The following TBC1D22A variants were observed in gnomAD, a reference collection of about 807,000 sequenced individuals.
TBC1D22A encodes the protein TBC1 domain family member 22A.
In TBC1D22A, 38 loss-of-function variants were observed where a neutral mutation model predicts 60.2. The ratio of observed to expected loss-of-function variants is 0.63; its 90% CI spans 0.49 to 0.83. The LOEUF (loss-of-function observed/expected upper bound fraction) is 0.83. Ranked by LOEUF, TBC1D22A falls within the 40% of genes least tolerant of loss-of-function variation. TBC1D22A has a pLI of 0.00. For synonymous variants in TBC1D22A, 302 were observed against 281.7 expected, an observed-to-expected ratio of 1.07 and a Z score of -0.72; for missense variants, 628 against 701.0, an observed-to-expected ratio of 0.90 and a Z score of 1.18.
chr22:47,049,702 A>G (rs929227920), intron 11 of TBC1D22A, among the ~76,000 whole-genome samples: 18 of 152,324 alleles, frequency 1.2e-4, no homozygotes, highest in Non-Finnish European at 4.4e-5. Flanking sequence ...CTGCCCAGTC[A>G]TAATGCTTTC....
chr22:47,017,767 G>T (rs1247061939), intron 10 of TBC1D22A, among the ~76,000 whole-genome samples: 4 of 152,172 alleles, frequency 2.6e-5, no homozygotes. Context: ...GGGGTAAGGG[G>T]CCTCTTAGTT....
intron 8 of TBC1D22A, among the ~76,000 whole-genome samples, chr22:46,951,657 C>G (rs1310151724): frequency 6.6e-6 from 1 of 152,342 alleles, no homozygotes; most frequent in Non-Finnish European, 1.5e-5. Context: ...TGTCCAGTTA[C>G]AGCGAGGTGT....
At chr22:46,831,122 A>G (rs16995766) in intron 4 of TBC1D22A, among the ~76,000 whole-genome samples, 4,648 of 152,228 alleles carry the variant, frequency 0.031, 229 homozygotes, top group African/African-American at 0.1. Flanking sequence ...CACCATGAGA[A>G]TGGAGGTGTT....
intron 10 of TBC1D22A, among the ~76,000 whole-genome samples, chr22:47,007,631 C>T (rs2061633388): frequency 6.7e-6 from 1 of 149,298 alleles, no homozygotes; most frequent in Non-Finnish European, 1.5e-5. Flanking sequence ...GGTTGGGTTG[C>T]AAAAGGCTGC....
At chr22:46,939,375 G>T (rs2071852424) in intron 8 of TBC1D22A, among the ~76,000 whole-genome samples, 1 of 152,190 alleles carries the variant, frequency 6.6e-6, no homozygotes, top group Non-Finnish European at 1.5e-5. Context: ...AGGGAATATG[G>T]TTTCTCATCC....
intron 9 of TBC1D22A, among the ~76,000 whole-genome samples, chr22:46,980,663 TG>T (rs136116): frequency 1 from 152,351 of 152,352 alleles, 76,175 homozygotes; most frequent in Middle Eastern, 1. Flanking sequence ...GATTAAGACA[TG>T]GAAAGATAGA....
intron 11 of TBC1D22A, among the ~76,000 whole-genome samples, chr22:47,082,342 T>G (rs1438548377): frequency 6.6e-6 from 1 of 152,138 alleles, no homozygotes; most frequent in African/African-American, 2.4e-5. Context: ...GTTTGAGAAC[T>G]TCTTGATTTT....
At chr22:46,787,932 CTTTTT>C (rs547496103) in intron 1 of TBC1D22A, among the ~76,000 whole-genome samples, 2 of 107,144 alleles carry the variant, frequency 1.9e-5, no homozygotes, top group African/African-American at 3.6e-5. Flanking sequence ...GGGCAGGCTA[CTTTTT>C]TTTTTTTTTT....
At chr22:46,920,158 C>T (rs117053305) in intron 8 of TBC1D22A, among the ~76,000 whole-genome samples, 233 of 152,250 alleles carry the variant, frequency 1.5e-3, no homozygotes, top group Middle Eastern at 3.4e-3. Flanking sequence ...TAGTTCATGG[C>T]AGCTGCAACC....
chr22:46,885,763 A>G (rs530193806), intron 5 of TBC1D22A, among the ~76,000 whole-genome samples: 3 of 152,212 alleles, frequency 2.0e-5, no homozygotes, highest in South Asian at 2.1e-4. Flanking sequence ...GCGCCTGGCA[A>G]TCCACCAGCA....
chr22:47,079,927 TA>T (rs1397847206), intron 11 of TBC1D22A, among the ~76,000 whole-genome samples: 9 of 152,292 alleles, frequency 5.9e-5, no homozygotes, highest in Admixed American at 5.2e-4. Context: ...AAAAATGATT[TA>T]AAAAAGGTGT....
intron 8 of TBC1D22A, among the ~76,000 whole-genome samples, chr22:46,941,921 A>G (rs1324060266): frequency 4.3e-5 from 4 of 92,320 alleles, no homozygotes; most frequent in African/African-American, 1.3e-4. Flanking sequence ...GTATATGTAT[A>G]TGTATGTATG....
At chr22:46,861,279 TAACA>T (rs2087869668) in intron 4 of TBC1D22A, among the ~76,000 whole-genome samples, 1 of 152,312 alleles carries the variant, frequency 6.6e-6, no homozygotes, top group Admixed American at 6.5e-5. Flanking sequence ...TAAAATGACT[TAACA>T]GTTAATTGTA....
At chr22:47,109,636 C>T (rs2065772284) in intron 11 of TBC1D22A, among the ~76,000 whole-genome samples, 1 of 152,212 alleles carries the variant, frequency 6.6e-6, no homozygotes, top group African/African-American at 2.4e-5. Context: ...GGCCTTCCCA[C>T]CAAAACAGTC....
At chr22:46,945,340 C>T (rs1345776276) in intron 8 of TBC1D22A, among the ~76,000 whole-genome samples, 6 of 152,154 alleles carry the variant, frequency 3.9e-5, no homozygotes, top group African/African-American at 1.4e-4. Flanking sequence ...ATTAGAAGGC[C>T]TGTTTGACCG....
At chr22:47,037,915 A>G (rs1034800932) in intron 11 of TBC1D22A, among the ~76,000 whole-genome samples, 3 of 152,180 alleles carry the variant, frequency 2.0e-5, no homozygotes, top group Non-Finnish European at 4.4e-5. Flanking sequence ...CATATAATAA[A>G]GATTTTTTAA....
Position 46,990,346 on chromosome 22 carries a change from G to A in TBC1D22A, c.1126-7288G>A, listed in dbSNP as rs901329693. On this transcript the variant is annotated intron_variant, in intron 9 of 12. Coordinates refer to ENST00000337137, the MANE Select transcript of TBC1D22A (RefSeq NM_014346.5). The surrounding 1 kb of genome is among the most constrained non-coding windows in gnomAD (Gnocchi z 4.6). ...TATTTTTTTCAATTAATGGAGTTTG[G>A]TTTTTTTAGAGCAGTTTTAGCTTTC... Among the ~76,000 whole-genome samples, 2 of 151,746 alleles carry A rather than the reference G, an allele frequency of 1.3e-5. No homozygotes were observed. Among genetic ancestry groups the A allele is most frequent in the Non-Finnish European group, 2.9e-5 (2 of 67,932 alleles).
chr22:46,926,019 G>A (rs527319537), intron 8 of TBC1D22A, among the ~76,000 whole-genome samples: 2 of 152,178 alleles, frequency 1.3e-5, no homozygotes, highest in Non-Finnish European at 2.9e-5. Flanking sequence ...AAGGAAATTT[G>A]AAGAAAATGA....
intron 2 of TBC1D22A, among the ~76,000 whole-genome samples, chr22:46,793,227 C>T (rs1336085151): frequency 6.6e-6 from 1 of 152,258 alleles, no homozygotes; most frequent in African/African-American, 2.4e-5. Context: ...CCAGAGTGAG[C>T]TGGGGTGGTC....
Sources: allele counts gnomAD v4.1 joint callset (sites outside exome capture counted in the v4.1 genomes callset), GRCh38; gene constraint gnomAD v4.1.1; non-coding constraint Gnocchi (gnomAD v3.1); transcripts MANE v1.5; gene names NCBI Gene and HGNC (gene_info 2026-07-23, HGNC 2026-07-21).